Variants in ADGRL2 observed in about 807,000 individuals in gnomAD.
ADGRL2 encodes adhesion G protein-coupled receptor L2, also known as calcium-independent alpha-latrotoxin receptor 2.
ADGRL2 carries 44 observed loss-of-function variants against 157.4 expected under a neutral mutation model. That is an observed-to-expected ratio of 0.28 (90% CI 0.22 to 0.36). The LOEUF (loss-of-function observed/expected upper bound fraction) is 0.36. ADGRL2 is among the 10% of genes least tolerant of loss of function. The pLI is 1.00. For synonymous variants in ADGRL2, 585 were observed against 624.7 expected (o/e 0.94, Z 0.95); for missense variants, 1,510 against 1,768.9 (o/e 0.85, Z 2.63).
At chr1:81,423,970 T>C (rs2077169444) in intron 1 of ADGRL2, among the ~76,000 whole-genome samples, 1 of 152,266 alleles carries the variant, frequency 6.6e-6, no homozygotes, top group African/African-American at 2.4e-5. Flanking sequence ...AGGCTTTCTA[T>C]ATAGTTGGTT....
At chr1:81,344,209 C>A (rs928210263) in intron 1 of ADGRL2, among the ~76,000 whole-genome samples, 1 of 152,126 alleles carries the variant, frequency 6.6e-6, no homozygotes, top group Non-Finnish European at 1.5e-5. Context: ...GCTTGGATTA[C>A]AGGCGCAACG....
chr1:81,580,611 C>G (rs923136022), intron 2 of ADGRL2, among the ~76,000 whole-genome samples: 6 of 151,902 alleles, frequency 3.9e-5, no homozygotes, highest in Non-Finnish European at 8.8e-5. Context: ...TATTCAATGT[C>G]AAGAATTTAA....
chr1:81,570,553 TA>T (rs1285572488), intron 2 of ADGRL2, among the ~76,000 whole-genome samples: 3 of 152,054 alleles, frequency 2.0e-5, no homozygotes, highest in African/African-American at 7.2e-5. Flanking sequence ...CACACCAGGC[TA>T]ATTTTTGTAT....
chr1:81,706,875 A>G (rs927897450), intron 1 of ADGRL2, among the ~76,000 whole-genome samples: 1 of 152,178 alleles, frequency 6.6e-6, no homozygotes, highest in African/African-American at 2.4e-5. Context: ...AATTTCATGA[A>G]GAGATTTCTC....
intron 2 of ADGRL2, among the ~76,000 whole-genome samples, chr1:81,904,277 A>G (rs1354514972): frequency 6.6e-6 from 1 of 152,210 alleles, no homozygotes. Flanking sequence ...AAAGATTAAT[A>G]TATCTGCATA....
At position 81,899,219 on chromosome 1, in the gene ADGRL2, A is replaced by G. The variant is rs879372505; in HGVS notation, c.74-7798A>G. Among the ~76,000 whole-genome samples the G allele has an allele frequency of 3.3e-5, 5 of 152,366 alleles. No homozygotes were observed. The East Asian group carries it at 9.6e-4, about 29-fold the overall frequency. On this transcript the variant is annotated intron_variant, in intron 2 of 23. Transcript: ENST00000686636. Reference sequence around the variant, plus strand: ...TTGTTAGAAAAGCAAATGTTCCTCAACAAGCACTTAAAGTTTATCACAACA... The same window carrying G: ...TTGTTAGAAAAGCAAATGTTCCTCAGCAAGCACTTAAAGTTTATCACAACA...
chr1:81,833,963 A>G (rs2092122234), intron 1 of ADGRL2, among the ~76,000 whole-genome samples: 1 of 152,206 alleles, frequency 6.6e-6, no homozygotes, highest in African/African-American at 2.4e-5. Context: ...TTATAGGAAC[A>G]AGATTAGGAT....
At chr1:81,541,518 A>G (rs1262511749) in intron 2 of ADGRL2, among the ~76,000 whole-genome samples, 2 of 152,176 alleles carry the variant, frequency 1.3e-5, no homozygotes, top group East Asian at 1.9e-4. Context: ...ACCTCAGCCT[A>G]AGAGACAAAC....
At position 81,943,972 on chromosome 1, in the gene ADGRL2, T is replaced by G. The variant is rs1436985355; in HGVS notation, c.1210+203T>G. Among the ~76,000 whole-genome samples, 1 of 152,082 alleles carries G rather than the reference T, an allele frequency of 6.6e-6. No homozygotes were observed. Among genetic ancestry groups the G allele is most frequent in the Non-Finnish European group, 1.5e-5 (1 of 67,980 alleles). On this transcript the variant is annotated intron_variant, in intron 6 of 23. Coordinates refer to ENST00000686636, the MANE Select transcript of ADGRL2 (RefSeq NM_001366006.2). This position sits in a 1 kb window ranked among gnomAD's most constrained non-coding sequence, Gnocchi z 5.6. ...TTTTAATGTTGGCTTCAAGAAATTG[T>G]GGCATTATTAGTCAGCTTAAACTTT...
intron 2 of ADGRL2, among the ~76,000 whole-genome samples, chr1:81,479,013 G>A (rs758248447): frequency 2.3e-4 from 35 of 152,012 alleles, no homozygotes; most frequent in Non-Finnish European, 4.6e-4. Context: ...TGCACCATCA[G>A]TATTTAACTC....
intron 1 of ADGRL2, among the ~76,000 whole-genome samples, chr1:81,829,023 T>C (rs1321039509): frequency 6.6e-6 from 1 of 152,078 alleles, no homozygotes; most frequent in East Asian, 1.9e-4. Flanking sequence ...GCAATTCTCC[T>C]GCCTCAGCCT....
chr1:81,339,872 T>A (rs1018547990), intron 1 of ADGRL2, among the ~76,000 whole-genome samples: 2 of 152,230 alleles, frequency 1.3e-5, no homozygotes, highest in Non-Finnish European at 2.9e-5. Flanking sequence ...CAGCCATGAG[T>A]TCTCTTAAGT....
intron 3 of ADGRL2, among the ~76,000 whole-genome samples, chr1:81,627,688 G>A (rs547803862): frequency 6.6e-6 from 1 of 152,222 alleles, no homozygotes; most frequent in Non-Finnish European, 1.5e-5. Context: ...TGAGAAGTGT[G>A]GGCAAATTGA....
chr1:81,315,760 C>T (rs1406206236), intron 1 of ADGRL2, among the ~76,000 whole-genome samples: 2 of 104,864 alleles, frequency 1.9e-5, no homozygotes, highest in Non-Finnish European at 4.1e-5. Context: ...AGCTAGTGAT[C>T]GGCAATTAGT....
At chr1:81,946,973 A>G (rs980132655) in intron 6 of ADGRL2, among the ~76,000 whole-genome samples, 7 of 152,192 alleles carry the variant, frequency 4.6e-5, no homozygotes, top group Non-Finnish European at 1.0e-4. Context: ...AGTTCTTAGT[A>G]CATAACCAGA....
intron 3 of ADGRL2, among the ~76,000 whole-genome samples, chr1:81,645,267 C>T (rs2082291183): frequency 6.6e-6 from 1 of 151,750 alleles, no homozygotes; most frequent in Non-Finnish European, 1.5e-5. Flanking sequence ...TGGTGCGTGC[C>T]TGTAGTCCTA....
chr1:81,759,517 C>T (rs929319307), intron 1 of ADGRL2, among the ~76,000 whole-genome samples: 1 of 152,112 alleles, frequency 6.6e-6, no homozygotes, highest in Non-Finnish European at 1.5e-5. Context: ...AATTAACTAA[C>T]ATTTTAAATC....
chr1:81,890,213 C>T (rs190302812), intron 2 of ADGRL2, among the ~76,000 whole-genome samples: 11 of 152,162 alleles, frequency 7.2e-5, no homozygotes, highest in African/African-American at 2.7e-4. Context: ...AAGGGCATTC[C>T]AAGTGGGGAG....
intron 1 of ADGRL2, among the ~76,000 whole-genome samples, chr1:81,753,971 T>C (rs1333206911): frequency 6.6e-6 from 1 of 152,168 alleles, no homozygotes; most frequent in Non-Finnish European, 1.5e-5. Flanking sequence ...GAATGAGTTG[T>C]GGTCTAAGGA....
Sources: allele counts gnomAD v4.1 joint callset (sites outside exome capture counted in the v4.1 genomes callset), GRCh38; gene constraint gnomAD v4.1.1; non-coding constraint Gnocchi (gnomAD v3.1); transcripts MANE v1.5; gene names NCBI Gene and HGNC (gene_info 2026-07-23, HGNC 2026-07-21).